Variants in IFT122 observed in about 807,000 individuals in gnomAD.
IFT122 encodes the protein intraflagellar transport 122.
IFT122 carries 118 observed loss-of-function variants against 161.6 expected under a neutral mutation model. That is an observed-to-expected ratio of 0.73 (90% CI 0.63 to 0.85). IFT122 has a LOEUF of 0.85. Among genes scored for constraint, IFT122 ranks in the 40% least tolerant of loss-of-function variants. The probability of loss-of-function intolerance (pLI) is 0.00; values close to 1 mark genes in which losing one functional copy is unlikely to be tolerated. For missense variants in IFT122, 1,381 were observed against 1,579.6 expected, an observed-to-expected ratio of 0.87 and a Z score of 2.13; for synonymous variants, 550 against 602.4, an observed-to-expected ratio of 0.91 and a Z score of 1.27.
chr3:129,495,188 G>A (rs2080691129), intron 17 of IFT122, among the ~76,000 whole-genome samples: 1 of 152,178 alleles, frequency 6.6e-6, no homozygotes, highest in Non-Finnish European at 1.5e-5. Context: ...ACACAGGAAA[G>A]CAACCCTGAG....
At chr3:129,471,154 A>G (rs1022944065) in intron 9 of IFT122, among the ~76,000 whole-genome samples, 1 of 152,226 alleles carries the variant, frequency 6.6e-6, no homozygotes, top group Non-Finnish European at 1.5e-5. Flanking sequence ...TGAAGCCTTT[A>G]ATTGCGTAGC....
At chr3:129,493,676 G>A (rs542214447) in intron 17 of IFT122, among the ~76,000 whole-genome samples, 1 of 152,322 alleles carries the variant, frequency 6.6e-6, no homozygotes, top group Admixed American at 6.5e-5. Flanking sequence ...TTACCTACCC[G>A]CGTGGTAAAG....
Position 129,458,672 on chromosome 3 carries a change from G to A in IFT122, c.267G>A (p.Lys89=). The change falls in exon 4 of 30, where the codon AAG becomes AAA. Residue 89 remains lysine, a synonymous_variant. Coordinates refer to ENST00000348417, the MANE Select transcript of IFT122 (RefSeq NM_052989.3). ...CATCAAAACTGGAAGGCATTCTGAA[G>A]TACACGTAAGTAACTTAGGTGTACA... ...IWTSKLEGIL[K]YTHNDAIQCV... is the part of the protein sequence containing the mutation. 1 of 1,606,562 alleles carries A rather than the reference G, an allele frequency of 6.2e-7. No homozygotes were observed. The highest frequency in any genetic ancestry group is 8.5e-7 in the Non-Finnish European group (1 of 1,173,132).
At chr3:129,510,410 G>A (rs181795242) in intron 23 of IFT122, among the ~76,000 whole-genome samples, 1 of 152,186 alleles carries the variant, frequency 6.6e-6, no homozygotes, top group Non-Finnish European at 1.5e-5. Context: ...CAGGGTCAGT[G>A]GTCTCAAGGG....
chr3:129,458,873 G>A (rs554654606), intron 4 of IFT122, among the ~76,000 whole-genome samples, 196 bp downstream of exon 4: 6 of 152,334 alleles, frequency 3.9e-5, no homozygotes, highest in South Asian at 2.1e-4. Context: ...ACTTACTGGC[G>A]TGGCCAGCAC....
At chr3:129,443,361 C>G (rs1045487807) in intron 1 of IFT122, among the ~76,000 whole-genome samples, 14 of 152,192 alleles carry the variant, frequency 9.2e-5, no homozygotes, top group African/African-American at 3.4e-4. Flanking sequence ...AGTGTGTCTT[C>G]TGACAGTGTA....
chr3:129,492,273 A>G, intron 17 of IFT122, 79 bp downstream of exon 17: 1 of 1,107,890 alleles, frequency 9.0e-7, no homozygotes, highest in East Asian at 2.4e-5. Flanking sequence ...CTAACAGGCA[A>G]GAGCCTTGAG....
chr3:129,474,308 G>A (rs1024481996), intron 9 of IFT122, among the ~76,000 whole-genome samples: 8 of 152,114 alleles, frequency 5.3e-5, no homozygotes, highest in African/African-American at 1.9e-4. Flanking sequence ...AAGAACTTAA[G>A]GAGAAACCAG....
rs397935692 is a variant in IFT122, at chr3:129,442,579, C to CAA, written c.41+2219_41+2220dup. ...AATGAAAACAAAACAAAAAACTAAA[C>CAA]AAAAAAAAAAAAGACAGTAGAACTA... is the stretch of plus-strand genomic sequence containing the variant. On this transcript the variant is annotated intron_variant, in intron 1 of 29. Coordinates refer to ENST00000348417, the MANE Select transcript of IFT122 (RefSeq NM_052989.3). 1.9e-3 allele frequency among the ~76,000 whole-genome samples: 241 copies of CAA among 123,724 alleles called. 2 individuals are homozygous for CAA. The South Asian group carries it at 0.055, about 28-fold the overall frequency. 81.2% of individuals were successfully genotyped at this position (123,724 alleles called of 152,430 possible). A position where few individuals can be genotyped will look rare whatever the true frequency, so the allele number is the denominator to read the frequency against.
intron 9 of IFT122, among the ~76,000 whole-genome samples, chr3:129,475,753 G>A (rs2077857345): frequency 6.6e-6 from 1 of 152,158 alleles, no homozygotes; most frequent in African/African-American, 2.4e-5. Flanking sequence ...GTTGAAGGCT[G>A]CAGTGAGCCG....
intron 25 of IFT122, 174 bp downstream of exon 25, chr3:129,514,728 C>T: frequency 1.3e-6 from 1 of 761,232 alleles, no homozygotes; most frequent in South Asian, 1.5e-5. Flanking sequence ...CTGTCCACCT[C>T]CTGTTCTCCC....
chr3:129,475,926 C>T (rs995189221), intron 9 of IFT122, among the ~76,000 whole-genome samples: 18 of 152,046 alleles, frequency 1.2e-4, no homozygotes, highest in Non-Finnish European at 1.5e-4. Context: ...TTTAAAAAGG[C>T]GGAGAAAAGA....
intron 23 of IFT122, among the ~76,000 whole-genome samples, chr3:129,508,481 A>C (rs1367099568): frequency 2.0e-5 from 3 of 152,238 alleles, no homozygotes; most frequent in Admixed American, 2.0e-4. Flanking sequence ...GTTACAGATG[A>C]GAATGAAGCC....
intron 1 of IFT122, among the ~76,000 whole-genome samples, chr3:129,445,980 C>T (rs2073940137): frequency 6.6e-6 from 1 of 152,186 alleles, no homozygotes; most frequent in Non-Finnish European, 1.5e-5. Flanking sequence ...TCCTTCTCAA[C>T]CAGGGCTCTT....
In IFT122 at chr3:129,485,691, A is replaced by G. The variant is rs1281776151; in HGVS notation, c.1851+2009A>G. 2.6e-5 allele frequency among the ~76,000 whole-genome samples: 4 copies of G among 152,228 alleles called. No homozygotes were observed. In the South Asian group the frequency reaches 8.3e-4, roughly 32 times the overall value. ...CCATCCTGACCTCAAAAATAAATGC[A>G]GTTTGCTGCTCTCTGACTGTGGCCG... On this transcript the variant is annotated intron_variant, in intron 15 of 29. Transcript: ENST00000348417.
At chr3:129,513,961 C>A in intron 24 of IFT122, 1 of 349,784 alleles carries the variant, frequency 2.9e-6, no homozygotes, top group Non-Finnish European at 5.6e-6. Flanking sequence ...ACCCAGGGGC[C>A]TCAGAGCAGG....
At chr3:129,448,696 T>A (rs79976879) in intron 1 of IFT122, among the ~76,000 whole-genome samples, 1,717 of 149,332 alleles carry the variant, frequency 0.011, 21 homozygotes, top group African/African-American at 0.04. Context: ...TTTATTTATT[T>A]ATTTTTTTTT....
chr3:129,503,351 C>T lies in IFT122; in HGVS notation c.2547+469C>T, dbSNP rs377487867. 2.1e-5 allele frequency among the ~76,000 whole-genome samples: 3 copies of T among 142,008 alleles called. No individual in the cohort carries two copies. In the South Asian group the frequency reaches 6.2e-4, roughly 29 times the overall value. 93.2% of individuals were successfully genotyped at this position (142,008 alleles called of 152,430 possible). ...ATTTCAGGGGCCAGTTTTTTCCCTCCCTTCTCTGCCCCCACCCCACAACCA... is the reference window on the plus strand; with the variant it reads ...ATTTCAGGGGCCAGTTTTTTCCCTCTCTTCTCTGCCCCCACCCCACAACCA... On this transcript the variant is annotated intron_variant, in intron 20 of 29. Coordinates refer to ENST00000348417, the MANE Select transcript of IFT122 (RefSeq NM_052989.3).
At position 129,512,417 on chromosome 3, in the gene IFT122, C is replaced by T. The variant is rs759695434; in HGVS notation, c.2987+5C>T. On this transcript the variant is annotated splice_donor_5th_base_variant and intron_variant, in intron 24 of 29. Transcript: ENST00000348417. ...CCCCTCGGGCATCTCTAAAGTGTATCCTTTCTCTTATCCCTCCTCCGTCCC... is the reference window on the plus strand; with the variant it reads ...CCCCTCGGGCATCTCTAAAGTGTATTCTTTCTCTTATCCCTCCTCCGTCCC... 6 of 1,583,518 alleles carry T rather than the reference C, an allele frequency of 3.8e-6. No homozygotes were observed. The highest frequency in any genetic ancestry group is 5.2e-6 in the Non-Finnish European group (6 of 1,152,020).
Sources: allele counts gnomAD v4.1 joint callset (sites outside exome capture counted in the v4.1 genomes callset), GRCh38; gene constraint gnomAD v4.1.1; transcripts MANE v1.5; gene names NCBI Gene and HGNC (gene_info 2026-07-23, HGNC 2026-07-21).